MROH1: variants seen among roughly 807,000 people sequenced by gnomAD.
The protein encoded by MROH1 is maestro heat like repeat family member 1.
Under a neutral mutation model 116.5 loss-of-function variants are expected in MROH1, and 117 were observed. That is an observed-to-expected ratio of 1.00 (90% CI 0.86 to 1.17). MROH1 has a LOEUF of 1.17. Among genes scored for constraint, MROH1 ranks in the 50% most tolerant of loss-of-function variants. The probability of loss-of-function intolerance (pLI) is 0.00; values close to 1 mark genes in which losing one functional copy is unlikely to be tolerated. For synonymous variants in MROH1, 921 were observed against 583.9 expected (o/e 1.58, Z -8.32); for missense variants, 1,873 against 1,338.5 (o/e 1.40, Z -6.23).
rs1841377063 is a variant in MROH1 at position 144,243,532 on chromosome 8, C to T, written c.2391C>T (p.Cys797=). ...AGCTGTGCCTTGTCCAGAGTGTGTG[C>T]ATGGTCAGCCGCGCCATCTGCAGCA... ...ALKLCLVQSV[C]MVSRAICSST... is the part of the protein sequence containing the mutation. Residue 797 remains cysteine (C), a synonymous_variant, in exon 25 of 44, where the codon TGC becomes TGT. Coordinates refer to ENST00000326134, the MANE Select transcript of MROH1 (RefSeq NM_032450.3). 1.3e-6 allele frequency: 1 copy of T among 780,178 alleles called. No individual in the cohort carries two copies. The highest frequency in any genetic ancestry group is 2.4e-6 in the Non-Finnish European group (1 of 417,830). 48.3% of individuals were successfully genotyped at this position (780,178 alleles called of 1,614,324 possible).
intron 4 of MROH1, chr8:144,175,596 C>T (rs1213870175): frequency 1.0e-6 from 1 of 967,384 alleles, no homozygotes. Flanking sequence ...ACTACATTGT[C>T]TCCTACCTGG....
chr8:144,193,101 C>T (rs575236331), intron 10 of MROH1: 25 of 167,114 alleles, frequency 1.5e-4, no homozygotes, highest in South Asian at 4.2e-4. Context: ...CACTCTCCAC[C>T]GCCTGGATGG....
At chr8:144,252,498 C>T (rs1229201882) in intron 33 of MROH1, 2 of 152,094 alleles carry the variant, frequency 1.3e-5, no homozygotes, top group African/African-American at 4.8e-5. Context: ...AAAACCCCGT[C>T]TCTACTAAAA....
At chr8:144,164,598 A>T (rs1193415688) in intron 3 of MROH1, among the ~76,000 whole-genome samples, 1 of 151,726 alleles carries the variant, frequency 6.6e-6, no homozygotes, top group Non-Finnish European at 1.5e-5. Flanking sequence ...AGATTTTGTC[A>T]TGTTGGCCAG....
intron 11 of MROH1, among the ~76,000 whole-genome samples, chr8:144,199,553 T>C (rs1389803795): frequency 6.6e-6 from 1 of 151,958 alleles, no homozygotes; most frequent in African/African-American, 2.4e-5. Flanking sequence ...CCAGGGGGCC[T>C]GTGGCTGCTA....
At chr8:144,173,430 T>A (rs1181373969) in intron 4 of MROH1, among the ~76,000 whole-genome samples, 188 of 140,550 alleles carry the variant, frequency 1.3e-3, no homozygotes, top group African/African-American at 2.4e-3. Context: ...TTTATTTTAT[T>A]TTTTTTTTTT....
intron 7 of MROH1, among the ~76,000 whole-genome samples, chr8:144,187,774 C>T (rs879309132): frequency 5.3e-5 from 8 of 152,030 alleles, no homozygotes; most frequent in Non-Finnish European, 1.2e-4. Context: ...ATGAAGGGGA[C>T]GAGGGGTACA....
At position 144,243,935 on chromosome 8, in the gene MROH1, T is replaced by C; in HGVS notation, c.2548T>C (p.Tyr850His). 1.3e-6 allele frequency: 1 copy of C among 780,322 alleles called. No homozygotes were observed. The highest frequency in any genetic ancestry group is 2.4e-6 in the Non-Finnish European group (1 of 417,676). 48.3% of individuals were successfully genotyped at this position (780,322 alleles called of 1,614,324 possible). Residue 850 changes from tyrosine to histidine, a missense_variant, in exon 26 of 44, where the codon TAC (tyrosine) becomes CAC (histidine). By Grantham distance (83) the Tyr-to-His change is moderately conservative. Coordinates refer to ENST00000326134, the MANE Select transcript of MROH1 (RefSeq NM_032450.3). ...GAAGAAAGCCATGCTCACCTGCACTTACTTGGTGTATCCTTTCCTGCCTCT... is the reference window on the plus strand; with the variant it reads ...GAAGAAAGCCATGCTCACCTGCACTCACTTGGTGTATCCTTTCCTGCCTCT... The part of the protein sequence containing the change: ...IRKKAMLTCT[Y>H]LVSVEPALDE...
At chr8:144,259,761 G>A in intron 37 of MROH1, 150 bp from the exon 38 acceptor site, 1 of 680,118 alleles carries the variant, frequency 1.5e-6, no homozygotes, top group South Asian at 1.6e-5. Flanking sequence ...ACAGGGAGGG[G>A]TCGCCACTGA....
intron 31 of MROH1, among the ~76,000 whole-genome samples, 164 bp from the exon 32 acceptor site, chr8:144,248,713 G>C (rs1041830239): frequency 6.6e-6 from 1 of 152,190 alleles, no homozygotes; most frequent in Non-Finnish European, 1.5e-5. Flanking sequence ...CCCCACCCCC[G>C]TGCAGCGAGC....
At chr8:144,212,862 A>T (rs531746031) in intron 12 of MROH1, 16 of 596,542 alleles carry the variant, frequency 2.7e-5, no homozygotes, top group Non-Finnish European at 4.6e-5. Context: ...AAGTGTTGGG[A>T]TTACAGGCAT....
chr8:144,248,548 G>T (rs1842296131), intron 31 of MROH1, among the ~76,000 whole-genome samples: 1 of 152,150 alleles, frequency 6.6e-6, no homozygotes, highest in Non-Finnish European at 1.5e-5. Flanking sequence ...AGAGCTCCAG[G>T]GCGACTGCAC....
At chr8:144,178,905 C>CT (rs1205442529) in intron 4 of MROH1, among the ~76,000 whole-genome samples, 1 of 152,040 alleles carries the variant, frequency 6.6e-6, no homozygotes, top group East Asian at 1.9e-4. Flanking sequence ...AGGAGAGCTG[C>CT]TTAGGGGGAG....
At chr8:144,191,646 G>T in intron 8 of MROH1, 69 bp from the exon 9 acceptor site, 1 of 1,576,692 alleles carries the variant, frequency 6.3e-7, no homozygotes, top group Non-Finnish European at 8.6e-7. Context: ...ACGGGTGCTT[G>T]CTGGACATGC....
intron 24 of MROH1, 89 bp downstream of exon 24, chr8:144,242,717 G>A: frequency 2.8e-6 from 2 of 723,962 alleles, no homozygotes; most frequent in African/African-American, 3.5e-5. Context: ...AGAGGCCGGA[G>A]GGGGAGCTTG....
chr8:144,242,875 C>T (rs1215137441), intron 24 of MROH1, among the ~76,000 whole-genome samples: 2 of 152,190 alleles, frequency 1.3e-5, no homozygotes, highest in East Asian at 3.8e-4. Flanking sequence ...TGTCGCCCCC[C>T]AGGGAGTTCA....
intron 4 of MROH1, among the ~76,000 whole-genome samples, chr8:144,176,765 G>T (rs1054687052): frequency 6.6e-6 from 1 of 151,464 alleles, no homozygotes; most frequent in South Asian, 2.1e-4. Flanking sequence ...GAAGGCGGAG[G>T]TTGCAGTGAG....
chr8:144,163,703 GTAATTGCCTGTGAAC>G lies in MROH1; in HGVS notation c.-56-66_-56-52del. ...AAATTGTGTATTTTACATGGAAATG[GTAATTGCCTGTGAAC>G]TCAGATATCGTAGAGGCTTATGAAT... is the stretch of plus-strand genomic sequence containing the variant. On this transcript the variant is annotated intron_variant, in intron 2 of 43. Transcript: ENST00000326134. This position sits in a 1 kb window ranked among gnomAD's most constrained non-coding sequence, Gnocchi z 4.4. 3 of 863,102 alleles carry G rather than the reference GTAATTGCCTGTGAAC, an allele frequency of 3.5e-6. No homozygotes were observed. Among genetic ancestry groups the G allele is most frequent in the Non-Finnish European group, 5.5e-6 (3 of 550,086 alleles). 53.5% of individuals were successfully genotyped at this position (863,102 alleles called of 1,614,324 possible).
intron 4 of MROH1, among the ~76,000 whole-genome samples, chr8:144,169,512 G>A (rs1239649029): frequency 6.6e-6 from 1 of 150,548 alleles, no homozygotes; most frequent in Non-Finnish European, 1.5e-5. Flanking sequence ...GAGTGCAGTG[G>A]ACCATCTCGG....
Sources: allele counts gnomAD v4.1 joint callset (sites outside exome capture counted in the v4.1 genomes callset), GRCh38; gene constraint gnomAD v4.1.1; non-coding constraint Gnocchi (gnomAD v3.1); transcripts MANE v1.5; gene names NCBI Gene and HGNC (gene_info 2026-07-23, HGNC 2026-07-21).